Variants in ATP8A2 observed in about 807,000 individuals in gnomAD.
ATP8A2 encodes ATPase phospholipid transporting 8A2.
Under a neutral mutation model 165.6 loss-of-function variants are expected in ATP8A2, and 100 were observed. The observed-to-expected ratio is 0.60, with a 90% CI of 0.51 to 0.71. The LOEUF is 0.71. Ranked by LOEUF, ATP8A2 falls within the 30% of genes least tolerant of loss-of-function variation. The pLI, the probability that ATP8A2 is intolerant of heterozygous loss-of-function variation, is 0.00. For missense variants in ATP8A2, 1,227 were observed against 1,479.5 expected, an observed-to-expected ratio of 0.83 and a Z score of 2.80; for synonymous variants, 543 against 548.8, an observed-to-expected ratio of 0.99 and a Z score of 0.15.
chr13:25,864,757 C>T (rs1267158503), intron 33 of ATP8A2, among the ~76,000 whole-genome samples: 1 of 152,180 alleles, frequency 6.6e-6, no homozygotes, highest in Non-Finnish European at 1.5e-5. Context: ...TTAAGCAGTA[C>T]ATGAGAGGAT....
chr13:25,579,323 G>A (rs1323556434), intron 21 of ATP8A2, among the ~76,000 whole-genome samples: 1 of 152,182 alleles, frequency 6.6e-6, no homozygotes, highest in African/African-American at 2.4e-5. Flanking sequence ...CGAATGTCAT[G>A]ATAGCTGGAG....
chr13:25,433,377 ATCT>A (rs762911324), intron 1 of ATP8A2, among the ~76,000 whole-genome samples: 11 of 151,902 alleles, frequency 7.2e-5, no homozygotes, highest in Admixed American at 6.6e-5. Context: ...GGCTCAACTG[ATCT>A]TCTCACCTCA....
intron 35 of ATP8A2, among the ~76,000 whole-genome samples, chr13:25,970,904 C>G (rs1408919005): frequency 6.6e-6 from 1 of 152,106 alleles, no homozygotes; most frequent in Non-Finnish European, 1.5e-5. Context: ...AAATGGATAT[C>G]AGAAAATAAG....
chr13:25,526,325 G>A (rs80010421), intron 2 of ATP8A2, among the ~76,000 whole-genome samples: 325 of 152,100 alleles, frequency 2.1e-3, no homozygotes, highest in South Asian at 0.012. Context: ...GTTTGTTCAG[G>A]GAAGTCATGG....
At chr13:25,830,604 A>T (rs1314482578) in intron 28 of ATP8A2, among the ~76,000 whole-genome samples, 2 of 152,140 alleles carry the variant, frequency 1.3e-5, no homozygotes, top group Admixed American at 1.3e-4. Flanking sequence ...CCCCCATGAA[A>T]ATTGTTTTGG....
At chr13:25,576,780 G>A (rs1291200986) in intron 19 of ATP8A2, among the ~76,000 whole-genome samples, 1 of 152,184 alleles carries the variant, frequency 6.6e-6, no homozygotes, top group Non-Finnish European at 1.5e-5. Flanking sequence ...AAGTCAATCA[G>A]ATGTGGACTG....
chr13:25,666,980 C>G (rs1230476717), intron 24 of ATP8A2, among the ~76,000 whole-genome samples: 1 of 152,134 alleles, frequency 6.6e-6, no homozygotes, highest in Non-Finnish European at 1.5e-5. Flanking sequence ...CCCCAGCTTA[C>G]TTTTTGTTAT....
At chr13:25,888,420 G>T (rs148804360) in intron 33 of ATP8A2, among the ~76,000 whole-genome samples, 1 of 152,128 alleles carries the variant, frequency 6.6e-6, no homozygotes, top group Non-Finnish European at 1.5e-5. Flanking sequence ...TTTCTTCTGC[G>T]TCAAGTTCAG....
intron 1 of ATP8A2, among the ~76,000 whole-genome samples, chr13:25,414,229 C>T (rs565309121): frequency 4.9e-5 from 7 of 141,908 alleles, no homozygotes; most frequent in African/African-American, 1.3e-4. Flanking sequence ...CTCGCTCTGT[C>T]GCCCAGGCTG....
intron 33 of ATP8A2, among the ~76,000 whole-genome samples, chr13:25,882,931 GATGA>G: frequency 1.3e-5 from 2 of 151,606 alleles, no homozygotes; most frequent in Admixed American, 6.6e-5. Context: ...TGATGATGAT[GATGA>G]TGATGGTGAT....
intron 2 of ATP8A2, among the ~76,000 whole-genome samples, chr13:25,504,746 CAA>C (rs34066777): frequency 4.7e-5 from 4 of 84,804 alleles, no homozygotes; most frequent in Admixed American, 1.4e-4. Flanking sequence ...GACTCCGTCT[CAA>C]AAAAAAAAAA....
At chr13:25,429,753 G>A (rs571508333) in intron 1 of ATP8A2, among the ~76,000 whole-genome samples, 10 of 152,306 alleles carry the variant, frequency 6.6e-5, no homozygotes, top group East Asian at 5.8e-4. Flanking sequence ...TGTCTGATGC[G>A]CTGAGGCATT....
chr13:25,886,699 G>C (rs985687649), intron 33 of ATP8A2, among the ~76,000 whole-genome samples: 1 of 152,166 alleles, frequency 6.6e-6, no homozygotes, highest in Non-Finnish European at 1.5e-5. Flanking sequence ...GAGCCTCTTC[G>C]TGCCATCTGA....
intron 25 of ATP8A2, among the ~76,000 whole-genome samples, chr13:25,751,388 T>C (rs545307063): frequency 1.3e-5 from 2 of 152,362 alleles, no homozygotes; most frequent in East Asian, 3.9e-4. Context: ...AGGCAAGGAT[T>C]GTAAAGCTTT....
intron 35 of ATP8A2, 112 bp downstream of exon 35, chr13:25,968,791 C>A: frequency 1.2e-6 from 1 of 805,770 alleles, no homozygotes; most frequent in Non-Finnish European, 2.0e-6. Flanking sequence ...GCACAGTATG[C>A]TCAGGCTTAA....
chr13:25,730,795 C>T (rs2043603856), intron 25 of ATP8A2, among the ~76,000 whole-genome samples: 2 of 151,850 alleles, frequency 1.3e-5, no homozygotes, highest in Admixed American at 6.6e-5. Context: ...AAGGAATAGG[C>T]CAGGCATGAG....
intron 24 of ATP8A2, among the ~76,000 whole-genome samples, chr13:25,671,679 G>A (rs1179961949): frequency 1.3e-5 from 2 of 151,612 alleles, no homozygotes; most frequent in Non-Finnish European, 2.9e-5. Flanking sequence ...TGGTCAGACC[G>A]GTTGATCTCA....
rs186670911 is a variant in ATP8A2, at chr13:25,621,587, G to A, written c.2211+31888G>A. On this transcript the variant is annotated intron_variant, in intron 24 of 36. Transcript: ENST00000381655. ...CTCATTTTTCTTCACTCCAGCTAAT[G>A]CTGACATTTACCAAATCCAGTCCTG... Among the ~76,000 whole-genome samples the A allele has an allele frequency of 6.6e-4, 101 of 152,176 alleles. 1 individual carries two copies. Among genetic ancestry groups the A allele is most frequent in the African/African-American group, 2.4e-3 (98 of 41,516 alleles).
chr13:25,977,898 G>T (rs1239511815), intron 35 of ATP8A2, among the ~76,000 whole-genome samples: 1 of 152,210 alleles, frequency 6.6e-6, no homozygotes, highest in Non-Finnish European at 1.5e-5. Flanking sequence ...GAGACCATCA[G>T]TGTTAGCGGT....
Sources: allele counts gnomAD v4.1 joint callset (sites outside exome capture counted in the v4.1 genomes callset), GRCh38; gene constraint gnomAD v4.1.1; transcripts MANE v1.5; gene names NCBI Gene and HGNC (gene_info 2026-07-23, HGNC 2026-07-21).